Variants in PAK3 observed in about 807,000 individuals in gnomAD.
The protein encoded by PAK3 is p21 (RAC1) activated kinase 3, also known as serine/threonine-protein kinase PAK 3.
In PAK3, 4 loss-of-function variants were observed where a neutral mutation model predicts 41.0. The ratio of observed to expected loss-of-function variants is 0.10; its 90% CI spans 0.05 to 0.22. PAK3 has a LOEUF of 0.22. Ranked by LOEUF, PAK3 falls within the 10% of genes least tolerant of loss-of-function variation. PAK3 has a pLI of 1.00. For synonymous variants in PAK3, 146 were observed against 139.6 expected (o/e 1.05, Z -0.32); for missense variants, 205 against 409.9 (o/e 0.50, Z 4.32).
chrX:111,091,650 G>T (rs1206457574), upstream of PAK3, among the ~76,000 whole-genome samples: 1 of 111,873 alleles, frequency 8.9e-6, no homozygotes, highest in Non-Finnish European at 1.9e-5. Flanking sequence ...GATGCTCCTT[G>T]CTCTTTGCCC....
At chrX:110,973,826 G>C (rs1386654539) in intron 1 of PAK3, among the ~76,000 whole-genome samples, 2 of 111,788 alleles carry the variant, frequency 1.8e-5, no homozygotes, top group Non-Finnish European at 3.8e-5. Flanking sequence ...CCCATCTCAT[G>C]TGCAAAGATG....
chrX:111,173,304 G>A (rs2094367731), intron 11 of PAK3, among the ~76,000 whole-genome samples: 1 of 111,373 alleles, frequency 9.0e-6, no homozygotes, highest in African/African-American at 3.3e-5. Context: ...TTGTTGGGCT[G>A]ACAGTAAATT....
At chrX:110,996,655 T>A (rs1221901132) in intron 1 of PAK3, among the ~76,000 whole-genome samples, 2 of 111,488 alleles carry the variant, frequency 1.8e-5, no homozygotes, top group Non-Finnish European at 3.8e-5. Context: ...TCTATCTCTC[T>A]CTTTCCCCCA....
intron 1 of PAK3, among the ~76,000 whole-genome samples, chrX:111,089,801 T>C (rs938202645): frequency 4.5e-5 from 5 of 111,030 alleles, no homozygotes; most frequent in South Asian, 3.9e-4. Context: ...CTCTGTGAAA[T>C]TAAAGAATTT....
intron 16 of PAK3, among the ~76,000 whole-genome samples, chrX:111,204,193 A>C (rs1367004889): frequency 1.8e-5 from 2 of 112,036 alleles, no homozygotes; most frequent in African/African-American, 3.2e-5. Flanking sequence ...AGTCTCATTT[A>C]GAATGTAATT....
chrX:111,167,157 G>T (rs1187794621), intron 10 of PAK3, among the ~76,000 whole-genome samples: 4 of 111,271 alleles, frequency 3.6e-5, no homozygotes, highest in Admixed American at 9.6e-5. Context: ...GGGGGTTTGG[G>T]GTCTTACAGT....
intron 1 of PAK3, among the ~76,000 whole-genome samples, chrX:111,034,283 T>TA (rs1304799397): frequency 9.2e-6 from 1 of 109,242 alleles, no homozygotes; most frequent in Non-Finnish European, 1.9e-5. Flanking sequence ...CAGTGAGAGA[T>TA]AGAGAGACAG....
chrX:111,167,228 C>G (rs930631411), intron 10 of PAK3, among the ~76,000 whole-genome samples: 2 of 111,171 alleles, frequency 1.8e-5, no homozygotes, highest in East Asian at 2.8e-4. Flanking sequence ...CAGAAGCCAT[C>G]AAGTATCTTG....
intron 1 of PAK3, among the ~76,000 whole-genome samples, chrX:111,054,167 A>T (rs1646600763): frequency 8.9e-6 from 1 of 112,149 alleles, no homozygotes; most frequent in Non-Finnish European, 1.9e-5. Context: ...ATCAGCCCAG[A>T]GACTTTAATT....
chrX:111,127,023 A>G (rs1273726512), intron 5 of PAK3, among the ~76,000 whole-genome samples: 1 of 111,426 alleles, frequency 9.0e-6, no homozygotes, highest in East Asian at 2.8e-4. Flanking sequence ...CAAATCCCAG[A>G]AGCAATGTTA....
chrX:111,152,663 A>G (rs2094046259), intron 8 of PAK3: 1 of 327,984 alleles, frequency 3.0e-6, no homozygotes, highest in African/African-American at 2.7e-5. Flanking sequence ...ATTGAGTTTT[A>G]GAACAAGTCC....
intron 16 of PAK3, among the ~76,000 whole-genome samples, chrX:111,210,754 C>G (rs1160212825): frequency 8.9e-6 from 1 of 111,857 alleles, no homozygotes; most frequent in Admixed American, 9.5e-5. Context: ...GAAGACAGAC[C>G]TGTAAACAAA....
chrX:111,031,710 C>G (rs2092342587), intron 1 of PAK3, among the ~76,000 whole-genome samples: 2 of 111,719 alleles, frequency 1.8e-5, no homozygotes, highest in African/African-American at 6.5e-5. Flanking sequence ...TCAACTTTTG[C>G]CCTCTCTTCT....
intron 5 of PAK3, among the ~76,000 whole-genome samples, chrX:111,135,898 A>G (rs746945322): frequency 8.9e-6 from 1 of 111,964 alleles, no homozygotes; most frequent in African/African-American, 3.2e-5. Context: ...TTTAAGGACA[A>G]TAGTGATCTC....
intron 1 of PAK3, among the ~76,000 whole-genome samples, chrX:111,068,192 T>G (rs745651579): frequency 1.8e-5 from 2 of 112,193 alleles, no homozygotes; most frequent in African/African-American, 6.5e-5. Context: ...GGTTTGACTC[T>G]TAAAAACAGT....
rs1312938810 is a variant in PAK3 at position 111,123,201 on chromosome X, A to G, written c.98A>G (p.Lys33Arg). Residue 33 changes from lysine (K) to arginine (R), a missense_variant, in exon 5 of 18, where the codon AAA (lysine) becomes AGA (arginine). Coordinates refer to ENST00000372007, the MANE Select transcript of PAK3 (RefSeq NM_002578.5). ...TCTTCAGCACTCAACCACAGCTCCA[A>G]ACCACTTCCCATGGCCCCTGAAGAG... ...RDSSALNHSSKPLPMAPEEKN... is the reference protein window; with the variant it reads ...RDSSALNHSSRPLPMAPEEKN... 1 of 1,207,158 alleles carries G rather than the reference A, an allele frequency of 8.3e-7. No individual in the cohort carries two copies. Among genetic ancestry groups the G allele is most frequent in the East Asian group, 3.0e-5 (1 of 33,827 alleles).
At chrX:111,166,485 A>G (rs1178147930) in intron 10 of PAK3, among the ~76,000 whole-genome samples, 1 of 110,856 alleles carries the variant, frequency 9.0e-6, no homozygotes, top group African/African-American at 3.3e-5. Context: ...TTTTTTGTAC[A>G]GATGGGAACT....
At chrX:111,000,887 G>A (rs2091834963) in intron 1 of PAK3, among the ~76,000 whole-genome samples, 1 of 111,941 alleles carries the variant, frequency 8.9e-6, no homozygotes, top group Non-Finnish European at 1.9e-5. Flanking sequence ...ATATTATTTA[G>A]TATATTAGCA....
At chrX:111,086,605 A>C (rs1233862569) in intron 1 of PAK3, among the ~76,000 whole-genome samples, 1 of 111,158 alleles carries the variant, frequency 9.0e-6, no homozygotes, top group Non-Finnish European at 1.9e-5. Flanking sequence ...ATTTACAAAG[A>C]CGCCCCATGT....
Sources: gnomAD v4.1 joint callset for allele counts (sites outside exome capture counted in the v4.1 genomes callset) on GRCh38, gnomAD v4.1.1 for gene constraint, MANE v1.5 for transcripts, NCBI Gene and HGNC (gene_info 2026-07-23, HGNC 2026-07-21) for gene names.